Variants in DSC3 observed in about 807,000 individuals in gnomAD.
DSC3 encodes desmocollin-3.
A neutral mutation model predicts 89.5 loss-of-function variants in DSC3; 97 were observed. The observed-to-expected ratio is 1.08, with a 90% confidence interval of 0.92 to 1.28. The LOEUF (loss-of-function observed/expected upper bound fraction) is 1.28. DSC3 is among the 50% of genes most tolerant of loss of function. DSC3 has a pLI of 0.00. For synonymous variants in DSC3, 436 were observed against 384.1 expected (o/e 1.14, Z -1.58); for missense variants, 1,199 against 1,085.3 (o/e 1.10, Z -1.47).
At chr18:31,019,827 C>G (rs1985360231) in intron 7 of DSC3, among the ~76,000 whole-genome samples, 1 of 152,022 alleles carries the variant, frequency 6.6e-6, no homozygotes, top group Admixed American at 6.5e-5. Flanking sequence ...GCAAGTGTCC[C>G]AAATCTGAGG....
intron 4 of DSC3, among the ~76,000 whole-genome samples, chr18:31,028,165 A>G (rs1477070512): frequency 6.6e-6 from 1 of 152,142 alleles, no homozygotes; most frequent in African/African-American, 2.4e-5. Flanking sequence ...ACAAGAGGTA[A>G]GATTCATTGA....
In DSC3 at chr18:31,000,117, G is replaced by C. The variant is rs183966524; in HGVS notation, c.2235+1501C>G. Among the ~76,000 whole-genome samples, 9 of 152,102 alleles carry C rather than the reference G, an allele frequency of 5.9e-5. No individual in the cohort carries two copies. The East Asian group carries it at 1.7e-3, about 30-fold the overall frequency. ...TCAAGCATAGATGGGCTATGATTTT[G>C]CATGGTGGTGTGGAGGAGTTGAAGA... On this transcript the variant is annotated intron_variant, in intron 14 of 15. Transcript: ENST00000360428.
chr18:31,031,513 C>T (rs573650565), intron 2 of DSC3, among the ~76,000 whole-genome samples: 90 of 152,192 alleles, frequency 5.9e-4, no homozygotes, highest in Non-Finnish European at 8.5e-4. Flanking sequence ...CCTGAATAAA[C>T]ATATAGAAGA....
intron 4 of DSC3, 89 bp from the exon 5 acceptor site, chr18:31,026,004 A>G: frequency 1.6e-6 from 2 of 1,246,950 alleles, no homozygotes; most frequent in South Asian, 2.7e-5. Flanking sequence ...TTTTTATTTT[A>G]AAGAGATAAT....
intron 1 of DSC3, among the ~76,000 whole-genome samples, chr18:31,038,664 A>T (rs1213784182): frequency 1.3e-5 from 2 of 152,062 alleles, no homozygotes; most frequent in South Asian, 2.1e-4. Context: ...TTTCCTTTTT[A>T]AAAAATGTTC....
intron 14 of DSC3, among the ~76,000 whole-genome samples, chr18:31,000,425 T>C (rs1363513653): frequency 6.6e-6 from 1 of 152,190 alleles, no homozygotes; most frequent in Non-Finnish European, 1.5e-5. Context: ...CTGATCCCCC[T>C]ACTGACTCAG....
At chr18:31,010,577 G>A (rs974302592) in intron 9 of DSC3, among the ~76,000 whole-genome samples, 1 of 152,130 alleles carries the variant, frequency 6.6e-6, no homozygotes, top group Non-Finnish European at 1.5e-5. Context: ...TTAATTAATA[G>A]GAAAGCCTGT....
intron 1 of DSC3, among the ~76,000 whole-genome samples, chr18:31,040,153 C>T (rs1986087366): frequency 6.6e-6 from 1 of 152,018 alleles, no homozygotes; most frequent in African/African-American, 2.4e-5. Context: ...AGGAAAAGTA[C>T]AGATTTGAGG....
chr18:31,023,441 A>G (rs1189971845), intron 6 of DSC3, among the ~76,000 whole-genome samples: 3 of 152,156 alleles, frequency 2.0e-5, no homozygotes, highest in Non-Finnish European at 4.4e-5. Flanking sequence ...CCTTCACTAC[A>G]CACAATAAAA....
At chr18:31,021,958 A>G (rs1985433121) in intron 7 of DSC3, among the ~76,000 whole-genome samples, 1 of 152,096 alleles carries the variant, frequency 6.6e-6, no homozygotes, top group Non-Finnish European at 1.5e-5. Flanking sequence ...AAGTATATAT[A>G]TCTATAATAA....
At chr18:31,028,885 C>G (rs539478311) in intron 4 of DSC3, among the ~76,000 whole-genome samples, 1 of 152,200 alleles carries the variant, frequency 6.6e-6, no homozygotes. Flanking sequence ...GCCTCATCTC[C>G]CTGCTCCATT....
Position 30,991,762 on chromosome 18 carries a change from C to A in DSC3, c.*2413G>T, listed in dbSNP as rs1427569591. Reference sequence around the variant, plus strand: ...ATATTTTGTGCCCTGAGTTCTTTCTCCCCCTGGCTTCTCGACTGTCTTTTG... The same window carrying A: ...ATATTTTGTGCCCTGAGTTCTTTCTACCCCTGGCTTCTCGACTGTCTTTTG... On this transcript the variant is annotated 3_prime_UTR_variant, in exon 16 of 16. Transcript: ENST00000360428. The A allele has an allele frequency of 6.6e-6, 1 of 152,218 alleles. No homozygotes were observed. Among genetic ancestry groups the A allele is most frequent in the Non-Finnish European group, 1.5e-5 (1 of 68,056 alleles). The allele number at this position is 152,218 out of a possible 1,614,324, so 9.4% of individuals were successfully genotyped here. A position where few individuals can be genotyped will look rare whatever the true frequency, so the allele number is the denominator to read the frequency against.
At chr18:31,009,870 T>C (rs1984997660) in intron 9 of DSC3, among the ~76,000 whole-genome samples, 2 of 152,254 alleles carry the variant, frequency 1.3e-5, no homozygotes, top group Non-Finnish European at 2.9e-5. Context: ...GCCTACGCTA[T>C]AATCCCTCTG....
At chr18:31,002,156 A>G (rs1165432502) in intron 13 of DSC3, among the ~76,000 whole-genome samples, 2 of 152,242 alleles carry the variant, frequency 1.3e-5, no homozygotes, top group African/African-American at 4.8e-5. Flanking sequence ...CCTAGAAAAG[A>G]TTTATCTTTA....
chr18:31,039,227 C>A lies in DSC3; in HGVS notation c.69+3365G>T, dbSNP rs929451923. ...AATTGTATTAATTGCATGATAGAAA[C>A]CTTATCAGACGAATCATTAAATCCT... On this transcript the variant is annotated intron_variant, in intron 1 of 15. Transcript: ENST00000360428. Among the ~76,000 whole-genome samples, 9 of 151,928 alleles carry A rather than the reference C, an allele frequency of 5.9e-5. No homozygotes were observed. In the South Asian group the frequency reaches 1.0e-3, roughly 17 times the overall value.
At position 31,018,783 on chromosome 18, in the gene DSC3, T is replaced by A; in HGVS notation, c.960A>T (p.Ser320=). ...YLDREVVDKY[S]LIMKVQDMDG... The stretch of plus-strand genomic sequence containing the variant: ...CCATGTCTTGTACTTTCATTATCAA[T>A]GAGTACTTGTCTACAACCTGGAAAC... Residue 320 remains serine, a synonymous_variant, in exon 8 of 16, where the codon TCA becomes TCT. Coordinates refer to ENST00000360428, the MANE Select transcript of DSC3 (RefSeq NM_001941.5). The A allele has an allele frequency of 6.2e-7, 1 of 1,613,724 alleles. No homozygotes were observed. Among genetic ancestry groups the A allele is most frequent in the Non-Finnish European group, 8.5e-7 (1 of 1,179,898 alleles).
chr18:31,009,288 G>A (rs1329990400), intron 9 of DSC3, among the ~76,000 whole-genome samples: 2 of 151,956 alleles, frequency 1.3e-5, no homozygotes, highest in African/African-American at 4.8e-5. Context: ...CCTGAACTCA[G>A]GTGATCCACC....
chr18:31,034,533 G>C (rs1254507659), intron 1 of DSC3, among the ~76,000 whole-genome samples: 1 of 152,084 alleles, frequency 6.6e-6, no homozygotes, highest in African/African-American at 2.4e-5. Flanking sequence ...CTTCCTAAAA[G>C]ACATAAAAAC....
intron 14 of DSC3, among the ~76,000 whole-genome samples, chr18:30,997,249 C>A (rs1342843535): frequency 6.6e-6 from 1 of 152,066 alleles, no homozygotes; most frequent in East Asian, 1.9e-4. Flanking sequence ...ATACCTGAGA[C>A]TGGTTAATTT....
Sources: gnomAD v4.1 joint callset for allele counts (sites outside exome capture counted in the v4.1 genomes callset) on GRCh38, gnomAD v4.1.1 for gene constraint, MANE v1.5 for transcripts, NCBI Gene and HGNC (gene_info 2026-07-23, HGNC 2026-07-21) for gene names.